ARK2C: variants seen among roughly 807,000 people sequenced by gnomAD.
ARK2C encodes the protein arkadia (RNF111) C-terminal like ring finger ubiquitin ligase 2C.
chr18:46,416,601 A>C, the ARK2C span, among the ~76,000 whole-genome samples: 1 of 152,234 alleles, frequency 6.6e-6, no homozygotes, highest in South Asian at 2.1e-4. Context: ...TTTGGCCTTA[A>C]AACAACAACC....
chr18:46,414,789 C>T, the ARK2C span, among the ~76,000 whole-genome samples: 2 of 152,194 alleles, frequency 1.3e-5, no homozygotes, highest in Non-Finnish European at 2.9e-5. Context: ...GGGCAGGTTG[C>T]AGAGGCCTCT....
chr18:46,436,222 A>G, the ARK2C span, among the ~76,000 whole-genome samples: 6 of 152,240 alleles, frequency 3.9e-5, no homozygotes, highest in Admixed American at 3.3e-4. Flanking sequence ...AAAAAAATCT[A>G]TCTATCTAAT....
chr18:46,422,224 ACT>A, the ARK2C span, among the ~76,000 whole-genome samples: 2 of 151,934 alleles, frequency 1.3e-5, no homozygotes, highest in Non-Finnish European at 2.9e-5. Context: ...TGTACCCCAG[ACT>A]CTCAGTTCTG....
chr18:46,372,157 G>A, the ARK2C span, among the ~76,000 whole-genome samples: 17 of 152,112 alleles, frequency 1.1e-4, no homozygotes, highest in African/African-American at 2.2e-4. Flanking sequence ...GGAGCTGGAC[G>A]GGGCTATACC....
the ARK2C span, among the ~76,000 whole-genome samples, chr18:46,441,818 C>T: frequency 1.5e-5 from 2 of 129,706 alleles, no homozygotes; most frequent in Non-Finnish European, 3.1e-5. Context: ...AACCGGGAGG[C>T]GGAGCTTGCA....
chr18:46,449,678 G>T, the ARK2C span, among the ~76,000 whole-genome samples: 218 of 152,258 alleles, frequency 1.4e-3, no homozygotes, highest in African/African-American at 5.0e-3. Flanking sequence ...TTTTACAAGG[G>T]ACCTCCCCAT....
chr18:46,430,132 GAGA>G, the ARK2C span, among the ~76,000 whole-genome samples: 1 of 152,190 alleles, frequency 6.6e-6, no homozygotes, highest in South Asian at 2.1e-4. Flanking sequence ...GTACCTTTTT[GAGA>G]AGGAGTGTTG....
At chr18:46,336,063 G>A in the ARK2C span, 3 of 985,346 alleles carry the variant, frequency 3.0e-6, no homozygotes, top group Non-Finnish European at 1.2e-6. Flanking sequence ...GGGGGAGTGG[G>A]TGTGTGAGGA....
the ARK2C span, among the ~76,000 whole-genome samples, chr18:46,380,150 G>A: frequency 1.3e-3 from 192 of 152,318 alleles, 1 homozygote; most frequent in African/African-American, 4.5e-3. Flanking sequence ...CTCCATCTTC[G>A]TGTCTCTGCC....
the ARK2C span, among the ~76,000 whole-genome samples, chr18:46,406,889 C>T: frequency 8.5e-5 from 13 of 152,326 alleles, no homozygotes; most frequent in African/African-American, 2.9e-4. Context: ...GCCCAGAATC[C>T]TTACCCTGAT....
chr18:46,337,324 G>T, the ARK2C span: 2 of 985,326 alleles, frequency 2.0e-6, no homozygotes, highest in South Asian at 4.7e-5. Context: ...TATTTTGTGG[G>T]TAATTTTTTC....
At chr18:46,334,377 C>A in the ARK2C span, 3 of 1,556,418 alleles carry the variant, frequency 1.9e-6, no homozygotes, top group East Asian at 7.5e-5. The surrounding 1 kb of genome is among the most constrained non-coding windows in gnomAD (Gnocchi z 4.4). Flanking sequence ...GAGCGTGGAT[C>A]GCCGCAGGCA....
the ARK2C span, among the ~76,000 whole-genome samples, chr18:46,359,639 G>A: frequency 6.6e-6 from 1 of 152,194 alleles, no homozygotes; most frequent in Non-Finnish European, 1.5e-5. Flanking sequence ...TTTAAAATCT[G>A]CAGTTTATTT....
the ARK2C span, among the ~76,000 whole-genome samples, chr18:46,433,832 C>T: frequency 1.3e-5 from 2 of 152,190 alleles, no homozygotes; most frequent in Admixed American, 1.3e-4. Flanking sequence ...TGGTGGTCCA[C>T]GATCCTCACA....
the ARK2C span, among the ~76,000 whole-genome samples, chr18:46,381,745 C>A: frequency 2.0e-5 from 3 of 151,962 alleles, no homozygotes; most frequent in Non-Finnish European, 1.5e-5. Flanking sequence ...GTGGGAGGAT[C>A]GCTTGAGCCC....
the ARK2C span, among the ~76,000 whole-genome samples, chr18:46,443,535 C>A: frequency 2.0e-5 from 3 of 152,170 alleles, no homozygotes; most frequent in African/African-American, 7.2e-5. Flanking sequence ...TTGCTTTAAA[C>A]CAGTGGTTGG....
chr18:46,347,957 A>G, the ARK2C span, among the ~76,000 whole-genome samples: 1 of 152,114 alleles, frequency 6.6e-6, no homozygotes, highest in Non-Finnish European at 1.5e-5. Context: ...GATAATAATA[A>G]TAACCATAAG....
the ARK2C span, among the ~76,000 whole-genome samples, chr18:46,369,284 C>T: frequency 6.6e-6 from 1 of 151,996 alleles, no homozygotes; most frequent in South Asian, 2.1e-4. Flanking sequence ...TCAAGATGGG[C>T]TGGCTGAGGC....
At chr18:46,460,662 A>C in the ARK2C span, 5 of 152,716 alleles carry the variant, frequency 3.3e-5, no homozygotes, top group African/African-American at 9.6e-5. Context: ...AATACAAAAA[A>C]AAAATTTAAA....
Sources: gnomAD v4.1 joint callset for allele counts (sites outside exome capture counted in the v4.1 genomes callset) on GRCh38, gnomAD v4.1.1 for gene constraint, Gnocchi (gnomAD v3.1) non-coding constraint, MANE v1.5 for transcripts, NCBI Gene and HGNC (gene_info 2026-07-23, HGNC 2026-07-21) for gene names.